The following MBD1 variants were observed in gnomAD, a reference collection of about 807,000 sequenced individuals.
The protein encoded by MBD1 is methyl-CpG-binding domain protein 1.
In MBD1, 25 loss-of-function variants were observed where a neutral mutation model predicts 82.6. The observed-to-expected ratio is 0.30, with a 90% CI of 0.22 to 0.42. The LOEUF is 0.42. Among genes scored for constraint, MBD1 ranks in the 10% least tolerant of loss-of-function variants. The pLI is 1.00. For missense variants in MBD1, 627 were observed against 819.6 expected (o/e 0.76, Z 2.87); for synonymous variants, 301 against 303.7 (o/e 0.99, Z 0.09).
intron 6 of MBD1, 177 bp downstream of exon 6, chr18:50,276,201 G>A (rs1256477553): frequency 4.8e-6 from 4 of 825,822 alleles, no homozygotes; most frequent in Non-Finnish European, 8.0e-6. Flanking sequence ...ATGCACTAAT[G>A]GTAATGGGGA....
chr18:50,269,798 C>A lies in MBD1; in HGVS notation c.*53G>T. The stretch of plus-strand genomic sequence containing the variant: ...CCACACTTTACATCCATCTTCCCTT[C>A]CCGAGTGCCTGCCCTGCAGACTTCA... On this transcript the variant is annotated 3_prime_UTR_variant, in exon 17 of 17. Transcript: ENST00000269468. 1 of 787,582 alleles carries A rather than the reference C, an allele frequency of 1.3e-6. No homozygotes were observed. The highest frequency in any genetic ancestry group is 2.4e-5 in the East Asian group (1 of 41,280). The allele number at this position is 787,582 out of a possible 1,614,324, so 48.8% of individuals were successfully genotyped here.
chr18:50,277,848 A>T (rs1568256964), intron 2 of MBD1, among the ~76,000 whole-genome samples: 1 of 151,882 alleles, frequency 6.6e-6, no homozygotes, highest in African/African-American at 2.4e-5. Context: ...TACTGTCTTA[A>T]TATTATTTAA....
rs148657100 is a variant in MBD1 at position 50,276,692 on chromosome 18, G to A, written c.445C>T (p.Arg149Trp). ...SFSGDGTQRQRLKTLCKDCRA... is the reference protein window; with the variant it reads ...SFSGDGTQRQWLKTLCKDCRA... Reference sequence around the variant, plus strand: ...CAGTCTTTGCACAACGTTTTGAGCCGCTGCCTTTGGGTGCCATCCCCTGAG... The same window carrying A: ...CAGTCTTTGCACAACGTTTTGAGCCACTGCCTTTGGGTGCCATCCCCTGAG... The change falls in exon 5 of 17, where the codon CGG becomes TGG. Residue 149 changes from arginine to tryptophan, a missense_variant. By Grantham distance (101) the Arg-to-Trp change is moderately radical. This residue lies in a region of MBD1 where 228 missense variants were observed against 318.1 expected (regional missense o/e 0.72). Coordinates refer to ENST00000269468, the MANE Select transcript of MBD1 (RefSeq NM_015846.4). 23 of 1,614,128 alleles carry A rather than the reference G, an allele frequency of 1.4e-5. No individual in the cohort carries two copies. The highest frequency in any genetic ancestry group is 2.2e-5 in the East Asian group (1 of 44,868).
chr18:50,274,012 C>T, intron 11 of MBD1, 149 bp from the exon 12 acceptor site: 1 of 1,308,550 alleles, frequency 7.6e-7, no homozygotes, highest in Admixed American at 1.7e-5. Context: ...CTGCTAGTCT[C>T]CTATTAGCAA....
Position 50,272,805 on chromosome 18 carries a change from G to T in MBD1, c.1716+19C>A, listed in dbSNP as rs776480862. On this transcript the variant is annotated intron_variant, in intron 14 of 16. Coordinates refer to ENST00000269468, the MANE Select transcript of MBD1 (RefSeq NM_015846.4). Reference sequence around the variant, plus strand: ...GCTACAGCAGGGTCAGGGCAGGGTGGGGCATCCCCAGCACTGACCACGGGT... The same window carrying T: ...GCTACAGCAGGGTCAGGGCAGGGTGTGGCATCCCCAGCACTGACCACGGGT... The T allele has an allele frequency of 1.9e-6, 3 of 1,614,078 alleles. No homozygotes were observed. The highest frequency in any genetic ancestry group is 1.7e-6 in the Non-Finnish European group (2 of 1,180,028).
chr18:50,273,882 T>A lies in MBD1; in HGVS notation c.1147-19A>T. ...GCCGCTTCTATGGGGAAAGATAGGGTGCTATGGCTACCTGGTGTCCTGACC... is the reference window on the plus strand; with the variant it reads ...GCCGCTTCTATGGGGAAAGATAGGGAGCTATGGCTACCTGGTGTCCTGACC... On this transcript the variant is annotated intron_variant, in intron 11 of 16. Coordinates refer to ENST00000269468, the MANE Select transcript of MBD1 (RefSeq NM_015846.4). 6.2e-7 allele frequency: 1 copy of A among 1,610,140 alleles called. No individual in the cohort carries two copies. The highest frequency in any genetic ancestry group is 2.2e-5 in the East Asian group (1 of 44,848).
At position 50,275,333 on chromosome 18, in the gene MBD1, T is replaced by C. The variant is rs771690545; in HGVS notation, c.793-88A>G. On this transcript the variant is annotated intron_variant, in intron 8 of 16. Coordinates refer to ENST00000269468, the MANE Select transcript of MBD1 (RefSeq NM_015846.4). The stretch of plus-strand genomic sequence containing the variant: ...ACACCCTAAGTGCAGAAAGCATGCA[T>C]GGGACAGGCAGACAGAGGGTGGCGT... 3 of 1,612,290 alleles carry C rather than the reference T, an allele frequency of 1.9e-6. No individual in the cohort carries two copies. In the South Asian group the frequency reaches 3.3e-5, roughly 18 times the overall value.
intron 2 of MBD1, among the ~76,000 whole-genome samples, chr18:50,278,267 T>C (rs554600427): frequency 6.6e-6 from 1 of 152,308 alleles, no homozygotes; most frequent in South Asian, 2.1e-4. Context: ...AAATTTTCCA[T>C]TTAATATTTT....
chr18:50,272,595 C>A lies in MBD1; in HGVS notation c.1778+82G>T, dbSNP rs1265471961. On this transcript the variant is annotated intron_variant, in intron 15 of 16. Transcript: ENST00000269468. ...TTACCTCCCACCACACCATGCCAAA[C>A]TGCCGGCTATACTTTCAAAACTCAG... 5.3e-6 allele frequency: 8 copies of A among 1,511,288 alleles called. No homozygotes were observed. The East Asian group carries it at 1.8e-4, about 34-fold the overall frequency. The allele number at this position is 1,511,288 out of a possible 1,614,324, so 93.6% of individuals were successfully genotyped here. A position where few individuals can be genotyped will look rare whatever the true frequency, so the allele number is the denominator to read the frequency against.
chr18:50,271,450 G>GC lies in MBD1; in HGVS notation c.*32+18dup. On this transcript the variant is annotated intron_variant, in intron 16 of 16. Coordinates refer to ENST00000269468, the MANE Select transcript of MBD1 (RefSeq NM_015846.4). Reference sequence around the variant, plus strand: ...GTAGATCAGTGTTGTCTCTCATAAAGCCAGTCTGCAAATATCACCTTGAAT... The same window carrying GC: ...GTAGATCAGTGTTGTCTCTCATAAAGCCCAGTCTGCAAATATCACCTTGAAT... The GC allele has an allele frequency of 6.2e-7, 1 of 1,614,064 alleles. No homozygotes were observed. Among genetic ancestry groups the GC allele is most frequent in the Non-Finnish European group, 8.5e-7 (1 of 1,180,002 alleles).
chr18:50,273,317 T>A lies in MBD1; in HGVS notation c.1584+17A>T. 1.9e-6 allele frequency: 3 copies of A among 1,613,776 alleles called. No individual in the cohort carries two copies. The highest frequency in any genetic ancestry group is 2.5e-6 in the Non-Finnish European group (3 of 1,179,952). On this transcript the variant is annotated intron_variant, in intron 13 of 16. Coordinates refer to ENST00000269468, the MANE Select transcript of MBD1 (RefSeq NM_015846.4). ...ACTCCGCTACGGCACCAACAGAACATCCATCACTGCCCCCACCTTGCTAGG... is the reference window on the plus strand; with the variant it reads ...ACTCCGCTACGGCACCAACAGAACAACCATCACTGCCCCCACCTTGCTAGG...
Position 50,275,180 on chromosome 18 carries a change from G to A in MBD1, c.858C>T (p.Ala286=). 1 of 1,614,102 alleles carries A rather than the reference G, an allele frequency of 6.2e-7. No homozygotes were observed. The highest frequency in any genetic ancestry group is 8.5e-7 in the Non-Finnish European group (1 of 1,179,984). ...SKMAARRRPG[A]QPLPPPPPSQ... ...ATGGGGGTGGTGGAGGCAGTGGCTG[G>A]GCTCCGGGGCGCCGCCTGGCAGCCA... Residue 286 remains alanine (A), a synonymous_variant, in exon 9 of 17, where the codon GCC becomes GCT. Coordinates refer to ENST00000269468, the MANE Select transcript of MBD1 (RefSeq NM_015846.4).
At chr18:50,277,569 T>C (rs2038484702) in intron 2 of MBD1, among the ~76,000 whole-genome samples, 1 of 31,692 alleles carries the variant, frequency 3.2e-5, no homozygotes, top group Non-Finnish European at 8.6e-5. Flanking sequence ...ATGTACCAAG[T>C]ATATATCAAG....
chr18:50,273,774 G>A lies in MBD1; in HGVS notation c.1236C>T (p.Ala412=), dbSNP rs1410538371. The stretch of plus-strand genomic sequence containing the variant: ...AGGTAGGGCCAAGATGGTGCCGTCG[G>A]GCAGAGCTGGGCCTCTTTCGACGAC... The part of the protein sequence containing the change: ...PYRRRKRPSS[A]RRHHLGPTLK... The change falls in exon 12 of 17, where the codon GCC becomes GCT. Residue 412 remains alanine, a synonymous_variant. Transcript: ENST00000269468. The A allele has an allele frequency of 1.9e-6, 3 of 1,613,958 alleles. No individual in the cohort carries two copies. The Admixed American group carries it at 5.0e-5, about 27-fold the overall frequency.
intron 16 of MBD1, 148 bp downstream of exon 16, chr18:50,271,321 C>A: frequency 1.3e-6 from 2 of 1,533,338 alleles, no homozygotes; most frequent in African/African-American, 2.8e-5. Flanking sequence ...CTTCTAGAAG[C>A]TCAAAGTACT....
intron 16 of MBD1, chr18:50,270,426 T>C (rs2035026314): frequency 1.1e-5 from 5 of 453,748 alleles, no homozygotes; most frequent in Non-Finnish European, 1.7e-5. Context: ...TGGGCAGGAC[T>C]CGAAGCAGGA....
Position 50,275,725 on chromosome 18 carries a change from G to A in MBD1, c.667C>T (p.Arg223Ter). ...RRCLRIVERSRGCGVCRGCQT... is the reference protein window; with the variant it reads ...RRCLRIVERS ...CAGCCCCGGCATACTCCACACCCTCGGCTCTGTTGGCGGGGGGCAGGTGGG... is the reference window on the plus strand; with the variant it reads ...CAGCCCCGGCATACTCCACACCCTCAGCTCTGTTGGCGGGGGGCAGGTGGG... The change falls in exon 8 of 17, where the codon CGA (arginine) becomes TGA (stop). Residue 223 changes from arginine (R) to a stop codon, truncating the protein, a stop_gained. Coordinates refer to ENST00000269468, the MANE Select transcript of MBD1 (RefSeq NM_015846.4). LOFTEE classifies it high-confidence loss of function. 6.2e-7 allele frequency: 1 copy of A among 1,614,194 alleles called. No individual in the cohort carries two copies. Among genetic ancestry groups the A allele is most frequent in the Non-Finnish European group, 8.5e-7 (1 of 1,180,022 alleles).
At chr18:50,279,645 G>A in intron 2 of MBD1, 1 of 507,090 alleles carries the variant, frequency 2.0e-6, no homozygotes, top group Non-Finnish European at 3.5e-6. Context: ...TGCATTGAGT[G>A]ACAGTTTTTC....
At position 50,281,399 on chromosome 18, in the gene MBD1, G is replaced by C. The variant is rs1392760100; in HGVS notation, c.-62C>G. 1.5e-6 allele frequency: 1 copy of C among 668,690 alleles called. No individual in the cohort carries two copies. The highest frequency in any genetic ancestry group is 1.8e-5 in the African/African-American group (1 of 56,454). 41.4% of individuals were successfully genotyped at this position (668,690 alleles called of 1,614,324 possible). On this transcript the variant is annotated 5_prime_UTR_variant, in exon 1 of 17. Coordinates refer to ENST00000269468, the MANE Select transcript of MBD1 (RefSeq NM_015846.4). ...CAGGCCGGTATCTTCCGCCACTCTA[G>C]GCCCGTGGACCCATGGCGAGGGTCC...
Sources: allele counts gnomAD v4.1 joint callset (sites outside exome capture counted in the v4.1 genomes callset), GRCh38; gene constraint gnomAD v4.1.1; regional missense constraint gnomAD v4.1.1; transcripts MANE v1.5; gene names NCBI Gene and HGNC (gene_info 2026-07-23, HGNC 2026-07-21).